Variants in PRMT3 observed in about 807,000 individuals in gnomAD.
The protein encoded by PRMT3 is protein arginine methyltransferase 3.
Under a neutral mutation model 71.9 loss-of-function variants are expected in PRMT3, and 62 were observed. The observed-to-expected ratio is 0.86, with a 90% CI of 0.70 to 1.07. The LOEUF (loss-of-function observed/expected upper bound fraction) is 1.07. PRMT3 is among the 50% of genes least tolerant of loss of function. The probability of loss-of-function intolerance (pLI) is 0.00; values close to 1 mark genes in which losing one functional copy is unlikely to be tolerated. For synonymous variants in PRMT3, 213 were observed against 220.4 expected, an observed-to-expected ratio of 0.97 and a Z score of 0.30; for missense variants, 663 against 643.0, an observed-to-expected ratio of 1.03 and a Z score of -0.34.
chr11:20,387,727 G>T lies in PRMT3; in HGVS notation c.-20G>T. On this transcript the variant is annotated 5_prime_UTR_variant, in exon 1 of 16. Transcript: ENST00000331079. The surrounding 1 kb of genome is among the most constrained non-coding windows in gnomAD (Gnocchi z 4.3). ...CGGTCCCCGCCCCCAGACACGCCGG[G>T]CTCTCGGGGCACCACAGCCATGTGC... 4.6e-6 allele frequency: 7 copies of T among 1,528,098 alleles called. No homozygotes were observed. Among genetic ancestry groups the T allele is most frequent in the Non-Finnish European group, 5.3e-6 (6 of 1,140,766 alleles). 94.7% of individuals were successfully genotyped at this position (1,528,098 alleles called of 1,614,324 possible).
chr11:20,437,240 A>G (rs1849779907), intron 10 of PRMT3, among the ~76,000 whole-genome samples: 1 of 149,938 alleles, frequency 6.7e-6, no homozygotes, highest in African/African-American at 2.5e-5. Flanking sequence ...GATCTTTTGT[A>G]TTTTTTAAGT....
intron 9 of PRMT3, among the ~76,000 whole-genome samples, chr11:20,411,089 A>G (rs1247136543): frequency 6.6e-6 from 1 of 152,132 alleles, no homozygotes; most frequent in Non-Finnish European, 1.5e-5. Context: ...CAAGATTTTT[A>G]TATAGTAATA....
intron 9 of PRMT3, among the ~76,000 whole-genome samples, chr11:20,411,952 GT>G (rs1307893788): frequency 6.6e-6 from 1 of 151,948 alleles, no homozygotes; most frequent in Non-Finnish European, 1.5e-5. Context: ...CATAAGACTT[GT>G]TTTTTTCTAA....
intron 13 of PRMT3, among the ~76,000 whole-genome samples, chr11:20,470,296 A>G (rs949170796): frequency 1.3e-5 from 2 of 152,132 alleles, no homozygotes; most frequent in Non-Finnish European, 2.9e-5. Flanking sequence ...GGTTTGTTCC[A>G]TAGGTAAACG....
intron 13 of PRMT3, among the ~76,000 whole-genome samples, chr11:20,487,782 A>C (rs1236312462): frequency 1.3e-5 from 2 of 152,352 alleles, no homozygotes; most frequent in Non-Finnish European, 2.9e-5. Flanking sequence ...TGAAATGTCA[A>C]AATGAAAGTA....
chr11:20,401,799 T>G (rs912995738), intron 7 of PRMT3, among the ~76,000 whole-genome samples: 1 of 152,204 alleles, frequency 6.6e-6, no homozygotes, highest in Non-Finnish European at 1.5e-5. Context: ...GCATAAATGT[T>G]AGAGTTACAT....
intron 4 of PRMT3, among the ~76,000 whole-genome samples, chr11:20,392,543 G>A (rs1176900901): frequency 6.6e-6 from 1 of 151,670 alleles, no homozygotes; most frequent in Non-Finnish European, 1.5e-5. Context: ...GACAGGATCT[G>A]TAAAATCAGA....
chr11:20,491,326 G>T (rs951846859), intron 13 of PRMT3, among the ~76,000 whole-genome samples: 1 of 152,150 alleles, frequency 6.6e-6, no homozygotes, highest in Non-Finnish European at 1.5e-5. Flanking sequence ...TATCTCAGAG[G>T]TGGCTTGTCT....
chr11:20,497,121 A>G (rs1448391870), intron 15 of PRMT3, among the ~76,000 whole-genome samples: 2 of 152,146 alleles, frequency 1.3e-5, no homozygotes, highest in Non-Finnish European at 2.9e-5. Flanking sequence ...TCATGTTTTA[A>G]TCGTGAGGGA....
rs908192333 is a variant in PRMT3 at position 20,451,522 on chromosome 11, T to C, written c.994-608T>C. ...TTTTTTTTTAATACCAAAAAGAAAGTCACTAGACAGGAAATTATTTGGGAA... is the reference window on the plus strand; with the variant it reads ...TTTTTTTTTAATACCAAAAAGAAAGCCACTAGACAGGAAATTATTTGGGAA... On this transcript the variant is annotated intron_variant, in intron 10 of 15. Coordinates refer to ENST00000331079, the MANE Select transcript of PRMT3 (RefSeq NM_005788.4). Among the ~76,000 whole-genome samples, 3 of 151,988 alleles carry C rather than the reference T, an allele frequency of 2.0e-5. No individual in the cohort carries two copies. The East Asian group carries it at 5.8e-4, about 29-fold the overall frequency.
In PRMT3 at chr11:20,461,977, C is replaced by A; in HGVS notation, c.1073-3C>A. The A allele has an allele frequency of 6.6e-7, 1 of 1,522,148 alleles. No homozygotes were observed. Among genetic ancestry groups the A allele is most frequent in the Non-Finnish European group, 8.9e-7 (1 of 1,124,722 alleles). The allele number at this position is 1,522,148 out of a possible 1,614,324, so 94.3% of individuals were successfully genotyped here. ...TAATTGTTGGGCATTTTGTTTGTTA[C>A]AGTCTACCCTGACATTTGCACTATC... is the stretch of plus-strand genomic sequence containing the variant. On this transcript the variant is annotated splice_region_variant and splice_polypyrimidine_tract_variant and intron_variant, in intron 11 of 15. Coordinates refer to ENST00000331079, the MANE Select transcript of PRMT3 (RefSeq NM_005788.4).
intron 5 of PRMT3, 57 bp from the exon 6 acceptor site, chr11:20,395,740 CATATTT>C (rs1848810310): frequency 2.7e-6 from 4 of 1,481,144 alleles, no homozygotes; most frequent in Non-Finnish European, 3.7e-6. Flanking sequence ...TTATTCCTAA[CATATTT>C]ATACTTGTTT....
Position 20,392,884 on chromosome 11 carries a change from A to C in PRMT3, c.298-13A>C. ...ATGTAATGAAAAAAACATGAGATTA[A>C]TTTTATATCCAGAATCCTACAGTTG... is the stretch of plus-strand genomic sequence containing the variant. On this transcript the variant is annotated splice_polypyrimidine_tract_variant and intron_variant, in intron 4 of 15. Transcript: ENST00000331079. The C allele has an allele frequency of 1.3e-6, 2 of 1,499,932 alleles. No homozygotes were observed. Among genetic ancestry groups the C allele is most frequent in the East Asian group, 2.3e-5 (1 of 44,208 alleles). 92.9% of individuals were successfully genotyped at this position (1,499,932 alleles called of 1,614,324 possible).
intron 10 of PRMT3, among the ~76,000 whole-genome samples, chr11:20,437,043 C>A (rs1392960528): frequency 1.3e-5 from 2 of 152,006 alleles, no homozygotes; most frequent in African/African-American, 4.8e-5. Context: ...CTAGGTTTTC[C>A]AATTTGTTAG....
chr11:20,414,666 C>T (rs1849263169), intron 9 of PRMT3, among the ~76,000 whole-genome samples: 1 of 152,082 alleles, frequency 6.6e-6, no homozygotes, highest in African/African-American at 2.4e-5. Context: ...ATTATTCAGA[C>T]TTTCAGATGT....
intron 10 of PRMT3, among the ~76,000 whole-genome samples, chr11:20,448,203 A>G (rs1453150519): frequency 1.2e-4 from 18 of 152,032 alleles, no homozygotes; most frequent in Admixed American, 1.2e-3. Flanking sequence ...AAACCTATGA[A>G]TTTGTTTTAG....
At chr11:20,444,295 T>C (rs1849975086) in intron 10 of PRMT3, among the ~76,000 whole-genome samples, 1 of 152,202 alleles carries the variant, frequency 6.6e-6, no homozygotes, top group East Asian at 1.9e-4. Flanking sequence ...CTTGGCATAC[T>C]CATTCATTTA....
chr11:20,459,414 C>G (rs1177813336), intron 11 of PRMT3, among the ~76,000 whole-genome samples: 1 of 152,064 alleles, frequency 6.6e-6, no homozygotes, highest in African/African-American at 2.4e-5. Flanking sequence ...CATTTCTGCT[C>G]ATTTATATCA....
intron 13 of PRMT3, among the ~76,000 whole-genome samples, chr11:20,482,142 T>G (rs1473109330): frequency 2.0e-5 from 3 of 152,112 alleles, no homozygotes; most frequent in East Asian, 3.8e-4. Flanking sequence ...ATTCGTGTGC[T>G]TGATCCTCTT....
Sources: gnomAD v4.1 joint callset for allele counts (sites outside exome capture counted in the v4.1 genomes callset) on GRCh38, gnomAD v4.1.1 for gene constraint, Gnocchi (gnomAD v3.1) non-coding constraint, MANE v1.5 for transcripts, NCBI Gene and HGNC (gene_info 2026-07-23, HGNC 2026-07-21) for gene names.